PALM2AKAP2: variants seen among roughly 807,000 people sequenced by gnomAD.
PALM2AKAP2 encodes PALM2-AKAP2 fusion protein.
In PALM2AKAP2, 37 loss-of-function variants were observed where a neutral mutation model predicts 71.5. The observed-to-expected ratio is 0.52, with a 90% CI of 0.40 to 0.68. PALM2AKAP2 has a LOEUF of 0.68. Ranked by LOEUF, PALM2AKAP2 falls within the 30% of genes least tolerant of loss-of-function variation. The pLI is 0.00. For synonymous variants in PALM2AKAP2, 468 were observed against 478.8 expected, an observed-to-expected ratio of 0.98 and a Z score of 0.29; for missense variants, 1,224 against 1,191.8, an observed-to-expected ratio of 1.03 and a Z score of -0.40.
chr9:109,652,143 G>T (rs1460876145), intron 1 of PALM2AKAP2, among the ~76,000 whole-genome samples: 1 of 152,082 alleles, frequency 6.6e-6, no homozygotes, highest in Non-Finnish European at 1.5e-5. Context: ...GAATAAATGG[G>T]TTATAAATTA....
At chr9:109,749,055 T>G (rs1828846767) in intron 1 of PALM2AKAP2, among the ~76,000 whole-genome samples, 1 of 152,202 alleles carries the variant, frequency 6.6e-6, no homozygotes. Context: ...AGATGAATTT[T>G]GGGAGGACAC....
intron 1 of PALM2AKAP2, among the ~76,000 whole-genome samples, chr9:110,059,902 C>A (rs910904155): frequency 6.6e-6 from 1 of 152,006 alleles, no homozygotes; most frequent in Non-Finnish European, 1.5e-5. Flanking sequence ...ACCTGGTCAT[C>A]GATTTTTAGT....
chr9:109,758,985 T>C (rs1051932556), intron 1 of PALM2AKAP2, among the ~76,000 whole-genome samples: 1 of 152,140 alleles, frequency 6.6e-6, no homozygotes, highest in Non-Finnish European at 1.5e-5. Flanking sequence ...ATTTGTATTT[T>C]CTATTCTGTG....
intron 1 of PALM2AKAP2, among the ~76,000 whole-genome samples, chr9:110,064,401 A>G (rs2118519509): frequency 6.6e-6 from 1 of 152,302 alleles, no homozygotes; most frequent in Admixed American, 6.5e-5. Flanking sequence ...TCTGGAACAC[A>G]TTGGGTCCTA....
At chr9:110,078,834 C>T (rs1002408701) in intron 1 of PALM2AKAP2, among the ~76,000 whole-genome samples, 2 of 152,178 alleles carry the variant, frequency 1.3e-5, no homozygotes, top group African/African-American at 4.8e-5. Flanking sequence ...AGTGTTTGCT[C>T]CAAGAACATT....
chr9:110,062,141 G>A (rs1184471422), intron 1 of PALM2AKAP2, among the ~76,000 whole-genome samples: 1 of 152,140 alleles, frequency 6.6e-6, no homozygotes, highest in Non-Finnish European at 1.5e-5. Context: ...CTACAGGTTT[G>A]TTACATAGGT....
chr9:109,661,693 C>A (rs1350955162), intron 1 of PALM2AKAP2, among the ~76,000 whole-genome samples: 2 of 152,112 alleles, frequency 1.3e-5, no homozygotes. Flanking sequence ...TTTCCCAATT[C>A]TGTGAAGAAA....
intron 6 of PALM2AKAP2, among the ~76,000 whole-genome samples, chr9:109,957,034 A>G (rs17732367): frequency 0.031 from 4,712 of 152,302 alleles, 96 homozygotes; most frequent in South Asian, 0.061. Context: ...GTGACTTCAA[A>G]TTCTTTCCAT....
chr9:110,131,455 C>T (rs2182806), intron 1 of PALM2AKAP2, among the ~76,000 whole-genome samples: 39,188 of 152,150 alleles, frequency 0.26, 5,081 homozygotes, highest in South Asian at 0.35. Flanking sequence ...GAATCACGTT[C>T]GCCTAATTTG....
chr9:109,874,823 C>G (rs1169930157), intron 2 of PALM2AKAP2, among the ~76,000 whole-genome samples: 1 of 152,218 alleles, frequency 6.6e-6, no homozygotes, highest in Admixed American at 6.5e-5. Context: ...CTAATCCTTC[C>G]CTTTTTCTCA....
rs1319958939 is a variant in PALM2AKAP2, at chr9:109,932,048, G to A, written c.496+20G>A. 2 of 1,606,446 alleles carry A rather than the reference G, an allele frequency of 1.2e-6. No individual in the cohort carries two copies. Among genetic ancestry groups the A allele is most frequent in the South Asian group, 1.1e-5 (1 of 90,204 alleles). Reference sequence around the variant, plus strand: ...CGGCTGGTAAGTCCTGGGGACCTTTGGACGCTAGGATGGTCCAAGGGGCTT... The same window carrying A: ...CGGCTGGTAAGTCCTGGGGACCTTTAGACGCTAGGATGGTCCAAGGGGCTT... On this transcript the variant is annotated intron_variant, in intron 6 of 9. Coordinates refer to the PALM2AKAP2 transcript ENST00000302798.
intron 1 of PALM2AKAP2, among the ~76,000 whole-genome samples, chr9:110,052,750 G>T (rs916226103): frequency 6.6e-6 from 1 of 152,204 alleles, no homozygotes; most frequent in African/African-American, 2.4e-5. Flanking sequence ...TGGGTTGACT[G>T]GTGGTGAATG....
At chr9:109,660,360 C>T (rs747820659) in intron 1 of PALM2AKAP2, among the ~76,000 whole-genome samples, 7 of 152,082 alleles carry the variant, frequency 4.6e-5, no homozygotes, top group East Asian at 3.9e-4. Flanking sequence ...CCCCAACTCC[C>T]GACAGGCCCT....
intron 6 of PALM2AKAP2, among the ~76,000 whole-genome samples, chr9:110,005,124 C>T (rs959244041): frequency 6.6e-6 from 1 of 152,150 alleles, no homozygotes; most frequent in Non-Finnish European, 1.5e-5. Context: ...GTTTCCAGTT[C>T]TTCTGCTCTG....
At chr9:109,731,420 A>T (rs1366144506) in intron 1 of PALM2AKAP2, among the ~76,000 whole-genome samples, 1 of 152,236 alleles carries the variant, frequency 6.6e-6, no homozygotes, top group African/African-American at 2.4e-5. Context: ...GAAGAAAAGT[A>T]AACTGAAGAA....
chr9:110,044,631 C>T (rs1474899542), upstream of PALM2AKAP2, among the ~76,000 whole-genome samples: 3 of 150,974 alleles, frequency 2.0e-5, no homozygotes, highest in Non-Finnish European at 4.4e-5. Flanking sequence ...GGATTACAGG[C>T]GTGCCACCAC....
At chr9:110,058,588 A>C (rs1399754322) in intron 1 of PALM2AKAP2, among the ~76,000 whole-genome samples, 4 of 152,144 alleles carry the variant, frequency 2.6e-5, no homozygotes, top group East Asian at 1.9e-4. Context: ...GGTAAAGGGA[A>C]CCAAAGCGCT....
chr9:109,684,595 A>G (rs908755680), intron 1 of PALM2AKAP2, among the ~76,000 whole-genome samples: 1 of 152,248 alleles, frequency 6.6e-6, no homozygotes, highest in African/African-American at 2.4e-5. Flanking sequence ...GTAAAATACA[A>G]TAAAAAGTTG....
At chr9:109,892,649 T>G (rs1830113105) in intron 3 of PALM2AKAP2, among the ~76,000 whole-genome samples, 1 of 152,180 alleles carries the variant, frequency 6.6e-6, no homozygotes, top group African/African-American at 2.4e-5. Context: ...AGAGATGGTA[T>G]AAGGCAGTGG....
Sources: allele counts gnomAD v4.1 joint callset (sites outside exome capture counted in the v4.1 genomes callset), GRCh38; gene constraint gnomAD v4.1.1; transcripts MANE v1.5; gene names NCBI Gene and HGNC (gene_info 2026-07-23, HGNC 2026-07-21).